The following KMO variants were observed in gnomAD, a reference collection of about 807,000 sequenced individuals.
KMO encodes the protein kynurenine 3-hydroxylase.
A neutral mutation model predicts 57.8 loss-of-function variants in KMO; 24 were observed. The observed-to-expected ratio is 0.42, with a 90% CI of 0.30 to 0.58. The LOEUF (loss-of-function observed/expected upper bound fraction) is 0.58. Among genes scored for constraint, KMO ranks in the 20% least tolerant of loss-of-function variants. The probability of loss-of-function intolerance (pLI) is 0.22; values close to 1 mark genes in which losing one functional copy is unlikely to be tolerated. For missense variants in KMO, 483 were observed against 588.2 expected (o/e 0.82, Z 1.85); for synonymous variants, 210 against 193.6 (o/e 1.08, Z -0.70).
chr1:241,573,184 GC>G (rs1662370456), intron 10 of KMO, among the ~76,000 whole-genome samples: 1 of 151,994 alleles, frequency 6.6e-6, no homozygotes, highest in South Asian at 2.1e-4. Flanking sequence ...GAGACGTTTT[GC>G]CCTGTTGCCC....
rs368102872 is a variant in KMO at position 241,565,947 on chromosome 1, G to A, written c.688-544G>A. On this transcript the variant is annotated intron_variant, in intron 8 of 14. Coordinates refer to ENST00000366559, the MANE Select transcript of KMO (RefSeq NM_003679.5). ...AGGCTGGGCGTGGTGGCTCATGCCT[G>A]TAATCCCAGCACTTTGGGAGGCCGA... Among the ~76,000 whole-genome samples, 27 of 152,298 alleles carry A rather than the reference G, an allele frequency of 1.8e-4. No homozygotes were observed. The East Asian group carries it at 3.9e-3, about 22-fold the overall frequency.
At chr1:241,561,034 T>C (rs1485435657) in intron 6 of KMO, among the ~76,000 whole-genome samples, 1 of 152,166 alleles carries the variant, frequency 6.6e-6, no homozygotes, top group Non-Finnish European at 1.5e-5. Context: ...CTCTCTCAAA[T>C]ATACGTGACC....
chr1:241,562,613 G>A (rs1375996035), intron 7 of KMO, among the ~76,000 whole-genome samples: 2 of 152,184 alleles, frequency 1.3e-5, no homozygotes, highest in African/African-American at 4.8e-5. Flanking sequence ...GCCAAGGCAG[G>A]AGGATCGCTT....
intron 1 of KMO, among the ~76,000 whole-genome samples, chr1:241,540,864 G>T (rs1660934070): frequency 6.6e-6 from 1 of 152,026 alleles, no homozygotes; most frequent in Admixed American, 6.6e-5. Flanking sequence ...AGGGGTTTGA[G>T]ACCAGCCTTG....
Position 241,594,654 on chromosome 1 carries a change from A to G in KMO, c.*2501A>G. On this transcript the variant is annotated 3_prime_UTR_variant, in exon 15 of 15. Transcript: ENST00000366559. ...TTTAGCAGGCCTCTGGCACCTCAGC[A>G]GTCGGAGGCACAGAAGCTGCAAAAG... is the stretch of plus-strand genomic sequence containing the variant. 1 of 1,614,088 alleles carries G rather than the reference A, an allele frequency of 6.2e-7. No homozygotes were observed.
intron 1 of KMO, among the ~76,000 whole-genome samples, chr1:241,539,389 A>AAAAAAAAAAAAAAC (rs920402236): frequency 2.0e-5 from 3 of 150,458 alleles, no homozygotes; most frequent in Non-Finnish European, 3.0e-5. Flanking sequence ...GTCTCAAAAA[A>AAAAAAAAAAAAAAC]ATTCCAGAAA....
rs112427704 is a variant in KMO, at chr1:241,539,204, G to A, written c.54+6706G>A. On this transcript the variant is annotated intron_variant, in intron 1 of 14. Coordinates refer to ENST00000366559, the MANE Select transcript of KMO (RefSeq NM_003679.5). The stretch of plus-strand genomic sequence containing the variant: ...TCGAGACCAGTCTGGGTAACACAGT[G>A]AAACCCCATCTCTACTGAAACACAA... Among the ~76,000 whole-genome samples, 1,039 of 152,222 alleles carry A rather than the reference G, an allele frequency of 6.8e-3. 6 individuals are homozygous for A. Among genetic ancestry groups the A allele is most frequent in the African/African-American group, 0.017 (715 of 41,516 alleles).
chr1:241,580,404 G>A (rs894605998), intron 10 of KMO, among the ~76,000 whole-genome samples: 1 of 152,014 alleles, frequency 6.6e-6, no homozygotes, highest in African/African-American at 2.4e-5. Flanking sequence ...GTTTGCTCTT[G>A]CTTTTATAGC....
chr1:241,548,698 G>A, intron 1 of KMO, 131 bp from the exon 2 acceptor site: 1 of 495,134 alleles, frequency 2.0e-6, no homozygotes, highest in Non-Finnish European at 3.6e-6. Flanking sequence ...TGATAAATGA[G>A]GCTGGTAAAA....
At chr1:241,579,110 G>A (rs1468443386) in intron 10 of KMO, among the ~76,000 whole-genome samples, 1 of 152,022 alleles carries the variant, frequency 6.6e-6, no homozygotes, top group East Asian at 1.9e-4. Context: ...CCATATCACA[G>A]TGATAGCTGA....
At chr1:241,586,822 C>T in intron 11 of KMO, 86 bp downstream of exon 11, 2 of 912,190 alleles carry the variant, frequency 2.2e-6, no homozygotes, top group Non-Finnish European at 3.5e-6. Flanking sequence ...TGATCACAAA[C>T]CTGTGATGTA....
rs1662085367 is a variant in KMO, at chr1:241,566,524, T to G, written c.721T>G (p.Phe241Val). Residue 241 changes from phenylalanine (F) to valine (V), a missense_variant, in exon 9 of 15, where the codon TTT (phenylalanine) becomes GTT (valine). Physicochemically the swap from Phe to Val is conservative, Grantham distance 50. This residue lies in a region of KMO where 410 missense variants were observed against 492.3 expected (regional missense o/e 0.83). Transcript: ENST00000366559. ...KSFTCTLFMP[F>V]EEFEKLLTSN... Reference sequence around the variant, plus strand: ...ATTCACATGTACTTTGTTCATGCCCTTTGAAGAGTTTGAAAAACTTCTAAC... The same window carrying G: ...ATTCACATGTACTTTGTTCATGCCCGTTGAAGAGTTTGAAAAACTTCTAAC... The G allele has an allele frequency of 1.2e-6, 2 of 1,613,478 alleles. No homozygotes were observed. The highest frequency in any genetic ancestry group is 1.7e-5 in the Admixed American group (1 of 59,998).
chr1:241,561,660 T>C (rs902095012), intron 6 of KMO, among the ~76,000 whole-genome samples: 2 of 152,366 alleles, frequency 1.3e-5, no homozygotes, highest in Middle Eastern at 3.4e-3. Flanking sequence ...ATTCCCCTAA[T>C]AGATAATTTC....
In KMO at chr1:241,594,907, A is replaced by T. The variant is rs1663453500; in HGVS notation, c.*2754A>T. Reference sequence around the variant, plus strand: ...ATTCTTATTAACCGGAATATGTAGGACCATTTCAATACCTTGTAATCCTCC... The same window carrying T: ...ATTCTTATTAACCGGAATATGTAGGTCCATTTCAATACCTTGTAATCCTCC... On this transcript the variant is annotated 3_prime_UTR_variant, in exon 15 of 15. Transcript: ENST00000366559. 1 of 545,040 alleles carries T rather than the reference A, an allele frequency of 1.8e-6. No individual in the cohort carries two copies. Among genetic ancestry groups the T allele is most frequent in the South Asian group, 2.4e-5 (1 of 41,668 alleles). 33.8% of individuals were successfully genotyped at this position (545,040 alleles called of 1,614,324 possible). A position where few individuals can be genotyped will look rare whatever the true frequency, so the allele number is the denominator to read the frequency against.
Position 241,594,177 on chromosome 1 carries a change from G to T in KMO, c.*2024G>T, listed in dbSNP as rs1177013980. 2.3e-6 allele frequency: 1 copy of T among 427,666 alleles called. No homozygotes were observed. Among genetic ancestry groups the T allele is most frequent in the East Asian group, 3.7e-5 (1 of 27,174 alleles). 26.5% of individuals were successfully genotyped at this position (427,666 alleles called of 1,614,324 possible). A position where few individuals can be genotyped will look rare whatever the true frequency, so the allele number is the denominator to read the frequency against. ...GAAAATCTCCAACACATTAGAAGAT[G>T]ATGATGTTAGATGCCCATCGTGTGC... is the stretch of plus-strand genomic sequence containing the variant. On this transcript the variant is annotated 3_prime_UTR_variant, in exon 15 of 15. Transcript: ENST00000366559.
intron 7 of KMO, among the ~76,000 whole-genome samples, chr1:241,563,901 G>A (rs924313871): frequency 6.6e-6 from 1 of 152,070 alleles, no homozygotes; most frequent in Non-Finnish European, 1.5e-5. Flanking sequence ...GCACTCTTCT[G>A]ATGGTTGGAG....
At position 241,591,991 on chromosome 1, in the gene KMO, A is replaced by G; in HGVS notation, c.1299A>G (p.Ile433Met). 2 of 1,614,024 alleles carry G rather than the reference A, an allele frequency of 1.2e-6. No homozygotes were observed. Among genetic ancestry groups the G allele is most frequent in the Non-Finnish European group, 1.7e-6 (2 of 1,179,910 alleles). The part of the protein sequence containing the change: ...NKGLFFLGSL[I>M]AISSTYLLIH... ...GACTCTTTTTCTTGGGATCACTGATAGCCATCAGCAGTACCTACCTACTTA... is the reference window on the plus strand; with the variant it reads ...GACTCTTTTTCTTGGGATCACTGATGGCCATCAGCAGTACCTACCTACTTA... Residue 433 changes from isoleucine (I) to methionine (M), a missense_variant, in exon 15 of 15, where the codon ATA becomes ATG. Transcript: ENST00000366559.
intron 11 of KMO, among the ~76,000 whole-genome samples, chr1:241,587,100 C>T (rs1293128561): frequency 1.3e-5 from 2 of 152,006 alleles, no homozygotes; most frequent in Non-Finnish European, 2.9e-5. Context: ...GCACCAGGGA[C>T]GGGTTTCACG....
intron 1 of KMO, among the ~76,000 whole-genome samples, chr1:241,534,963 TG>T (rs201586703): frequency 0.025 from 3,760 of 152,074 alleles, 70 homozygotes; most frequent in Middle Eastern, 0.11. Context: ...TTACACACTT[TG>T]GGTTTTTTTT....
Sources: gnomAD v4.1 joint callset for allele counts (sites outside exome capture counted in the v4.1 genomes callset) on GRCh38, gnomAD v4.1.1 for gene constraint, gnomAD v4.1.1 regional missense constraint, MANE v1.5 for transcripts, NCBI Gene and HGNC (gene_info 2026-07-23, HGNC 2026-07-21) for gene names.